Variants in NRG1 observed in about 807,000 individuals in gnomAD.
The protein encoded by NRG1 is neuregulin 1, also known as pro-neuregulin-1, membrane-bound isoform.
In NRG1, 18 loss-of-function variants were observed where a neutral mutation model predicts 63.8. The observed-to-expected ratio is 0.28, with a 90% CI of 0.19 to 0.42. The LOEUF (loss-of-function observed/expected upper bound fraction) is 0.42. Among genes scored for constraint, NRG1 ranks in the 10% least tolerant of loss-of-function variants. The probability of loss-of-function intolerance (pLI) is 1.00; values close to 1 mark genes in which losing one functional copy is unlikely to be tolerated. For missense variants in NRG1, 762 were observed against 814.7 expected, an observed-to-expected ratio of 0.94 and a Z score of 0.79; for synonymous variants, 302 against 301.3, an observed-to-expected ratio of 1.00 and a Z score of -0.02.
chr8:31,790,190 A>T (rs1820565083), intron 1 of NRG1, among the ~76,000 whole-genome samples: 2 of 152,354 alleles, frequency 1.3e-5, no homozygotes, highest in South Asian at 4.1e-4. Context: ...GATGGGTAAA[A>T]TCAATATGCT....
intron 1 of NRG1, among the ~76,000 whole-genome samples, chr8:31,727,881 C>T (rs1034910014): frequency 1.3e-5 from 2 of 152,056 alleles, no homozygotes; most frequent in Non-Finnish European, 2.9e-5. Context: ...TCTTGTACTT[C>T]GAGGCCATCA....
upstream of NRG1, among the ~76,000 whole-genome samples, chr8:32,546,924 A>G (rs1026461266): frequency 4.6e-5 from 7 of 152,208 alleles, no homozygotes; most frequent in Non-Finnish European, 7.3e-5. Context: ...AATTGCGGCC[A>G]TCAGAAAATA....
intron 1 of NRG1, among the ~76,000 whole-genome samples, chr8:32,369,978 C>T (rs1034444938): frequency 6.6e-6 from 1 of 151,368 alleles, no homozygotes; most frequent in Non-Finnish European, 1.5e-5. Flanking sequence ...ACACCAAGAG[C>T]GGAGAGCAAG....
chr8:32,222,476 A>G lies in NRG1; in HGVS notation c.38-373352A>G, dbSNP rs146061721. 2.4e-3 allele frequency among the ~76,000 whole-genome samples: 362 copies of G among 152,262 alleles called. 1 individual carries two copies. Among genetic ancestry groups the G allele is most frequent in the Middle Eastern group, 0.01 (3 of 294 alleles). ...TCTTTGAAACTGTTAACCCCTAGAA[A>G]CAGAAAGAAAGAAAGAAAAAAAGAA... On this transcript the variant is annotated intron_variant, in intron 1 of 10. Coordinates refer to the NRG1 transcript ENST00000519301.
chr8:32,754,518 G>C, intron 8 of NRG1, 44 bp downstream of exon 8: 1 of 1,575,068 alleles, frequency 6.3e-7, no homozygotes, highest in African/African-American at 1.3e-5. Context: ...TTCATGCAGA[G>C]ACAGCTTAGA....
At chr8:32,168,277 C>A (rs1031479111) in intron 1 of NRG1, among the ~76,000 whole-genome samples, 1 of 152,168 alleles carries the variant, frequency 6.6e-6, no homozygotes, top group East Asian at 1.9e-4. Context: ...TCAAAAAAAT[C>A]AATTCAACAA....
intron 1 of NRG1, among the ~76,000 whole-genome samples, chr8:32,454,641 C>A (rs771733872): frequency 1.4e-5 from 2 of 143,428 alleles, no homozygotes; most frequent in Non-Finnish European, 3.0e-5. Context: ...GAACCTCCTA[C>A]CTTGGCCTCC....
chr8:31,642,742 A>C (rs994545025), intron 1 of NRG1, among the ~76,000 whole-genome samples: 5 of 152,112 alleles, frequency 3.3e-5, no homozygotes, highest in African/African-American at 1.2e-4. Flanking sequence ...ACTGCCCTGG[A>C]TTTCTGTAGC....
At chr8:31,840,551 T>C (rs1826101188) in intron 1 of NRG1, among the ~76,000 whole-genome samples, 1 of 152,110 alleles carries the variant, frequency 6.6e-6, no homozygotes, top group African/African-American at 2.4e-5. Flanking sequence ...AATCTTACTC[T>C]TACCTCGCAC....
intron 1 of NRG1, among the ~76,000 whole-genome samples, chr8:32,465,328 C>T (rs1221262784): frequency 1.3e-5 from 2 of 152,170 alleles, no homozygotes; most frequent in African/African-American, 4.8e-5. Context: ...TTGCCATCAC[C>T]ATATCATAAA....
intron 1 of NRG1, among the ~76,000 whole-genome samples, chr8:31,829,112 A>C (rs1824859686): frequency 6.6e-6 from 1 of 152,204 alleles, no homozygotes; most frequent in South Asian, 2.1e-4. Flanking sequence ...CCTTCATGAG[A>C]CTTCTTGGAT....
At chr8:32,232,077 T>A (rs1296306728) in intron 1 of NRG1, among the ~76,000 whole-genome samples, 1 of 151,936 alleles carries the variant, frequency 6.6e-6, no homozygotes, top group Non-Finnish European at 1.5e-5. Flanking sequence ...TTAATTTTTG[T>A]AATTTTTGTA....
chr8:32,259,235 T>C (rs1158166994), intron 1 of NRG1, among the ~76,000 whole-genome samples: 1 of 152,192 alleles, frequency 6.6e-6, no homozygotes, highest in African/African-American at 2.4e-5. Context: ...CAGGTTGAAA[T>C]AAAATTGCCA....
chr8:32,253,859 A>G (rs2881543), intron 1 of NRG1, among the ~76,000 whole-genome samples: 65,833 of 151,990 alleles, frequency 0.43, 14,963 homozygotes, highest in Admixed American at 0.49. Flanking sequence ...TACTGCCTCA[A>G]TTTCAGAACT....
rs142428914 is a variant in NRG1 at position 32,135,711 on chromosome 8, G to A, written c.38-460117G>A. Among the ~76,000 whole-genome samples, 576 of 152,000 alleles carry A rather than the reference G, an allele frequency of 3.8e-3. 2 individuals are homozygous for A. The highest frequency in any genetic ancestry group is 0.018 in the South Asian group (85 of 4,788). ...GAAATTTCAAGTGGGCAATTTGTTGGACAAGTTTTTGGTTCATGGGAGAAA... is the reference window on the plus strand; with the variant it reads ...GAAATTTCAAGTGGGCAATTTGTTGAACAAGTTTTTGGTTCATGGGAGAAA... On this transcript the variant is annotated intron_variant, in intron 1 of 10. Transcript: ENST00000519301.
At chr8:32,671,103 A>G (rs1444970938) in intron 5 of NRG1, among the ~76,000 whole-genome samples, 1 of 150,902 alleles carries the variant, frequency 6.6e-6, no homozygotes, top group Admixed American at 6.6e-5. Context: ...CAAGACCACT[A>G]TATTCATTTG....
chr8:32,676,399 A>G (rs1009045249), intron 5 of NRG1, among the ~76,000 whole-genome samples: 1 of 152,116 alleles, frequency 6.6e-6, no homozygotes, highest in Non-Finnish European at 1.5e-5. Flanking sequence ...TGGCAGATCT[A>G]TTGCCACTTG....
intron 1 of NRG1, among the ~76,000 whole-genome samples, chr8:32,373,683 C>A (rs1019244561): frequency 5.9e-5 from 9 of 152,180 alleles, no homozygotes; most frequent in South Asian, 2.1e-4. Flanking sequence ...GAGGATGAAG[C>A]AGGAGAATCG....
chr8:32,418,124 G>A (rs1004328767), intron 1 of NRG1, among the ~76,000 whole-genome samples: 8 of 151,970 alleles, frequency 5.3e-5, no homozygotes, highest in African/African-American at 1.7e-4. Flanking sequence ...AAAATACAGC[G>A]ATATTTACTT....
Sources: gnomAD v4.1 joint callset for allele counts (sites outside exome capture counted in the v4.1 genomes callset) on GRCh38, gnomAD v4.1.1 for gene constraint, MANE v1.5 for transcripts, NCBI Gene and HGNC (gene_info 2026-07-23, HGNC 2026-07-21) for gene names.